The following KCNQ5 variants were observed in gnomAD, a reference collection of about 807,000 sequenced individuals.
KCNQ5 encodes the protein potassium voltage-gated channel subfamily Q member 5.
In KCNQ5, 30 loss-of-function variants were observed where a neutral mutation model predicts 98.2. The ratio of observed to expected loss-of-function variants is 0.31; its 90% CI spans 0.23 to 0.41. The LOEUF (loss-of-function observed/expected upper bound fraction) is 0.41, where lower values mean the gene tolerates loss of function less well. Ranked by LOEUF, KCNQ5 falls within the 10% of genes least tolerant of loss-of-function variation. The pLI is 1.00. For missense variants in KCNQ5, 835 were observed against 1,182.5 expected (o/e 0.71, Z 4.31); for synonymous variants, 458 against 449.4 (o/e 1.02, Z -0.24).
chr6:73,019,737 A>T (rs1770505724), intron 2 of KCNQ5, among the ~76,000 whole-genome samples: 1 of 152,186 alleles, frequency 6.6e-6, no homozygotes, highest in Admixed American at 6.5e-5. Flanking sequence ...TTGAAAAACA[A>T]TGTTATATGG....
chr6:73,182,341 G>A (rs1490146676), intron 11 of KCNQ5, among the ~76,000 whole-genome samples: 1 of 152,102 alleles, frequency 6.6e-6, no homozygotes, highest in African/African-American at 2.4e-5. Context: ...TTACTACCTG[G>A]CCCTTTATAG....
chr6:73,162,183 T>A (rs1219277147), intron 10 of KCNQ5, among the ~76,000 whole-genome samples: 2 of 151,914 alleles, frequency 1.3e-5, no homozygotes, highest in Non-Finnish European at 2.9e-5. Flanking sequence ...TGCCTCAGCC[T>A]CTGAAAGTGC....
chr6:73,072,839 C>CT (rs1344785615), intron 3 of KCNQ5, among the ~76,000 whole-genome samples: 2 of 152,080 alleles, frequency 1.3e-5, no homozygotes, highest in Non-Finnish European at 1.5e-5. Flanking sequence ...TACTTCCCAA[C>CT]TTGTTCTAAT....
chr6:72,718,859 T>A (rs1039400105), intron 1 of KCNQ5, among the ~76,000 whole-genome samples: 2 of 152,182 alleles, frequency 1.3e-5, no homozygotes, highest in Non-Finnish European at 2.9e-5. Context: ...ATAGGTTCCA[T>A]TTTAAGCCTG....
At chr6:72,726,273 C>T (rs541650028) in intron 1 of KCNQ5, among the ~76,000 whole-genome samples, 41 of 148,712 alleles carry the variant, frequency 2.8e-4, no homozygotes, top group African/African-American at 8.2e-4. Context: ...TGCAGTGGCG[C>T]GATCTCGGCT....
intron 10 of KCNQ5, 106 bp downstream of exon 10, chr6:73,133,747 A>C: frequency 1.1e-6 from 1 of 948,766 alleles, no homozygotes; most frequent in Non-Finnish European, 1.6e-6. Context: ...GAAGAAAACA[A>C]CCCCAGAGAA....
chr6:72,711,366 C>T (rs1387125562), intron 1 of KCNQ5, among the ~76,000 whole-genome samples: 1 of 152,102 alleles, frequency 6.6e-6, no homozygotes, highest in South Asian at 2.1e-4. Context: ...CAGTCTGTGC[C>T]ATTTTGTTAT....
chr6:72,813,445 G>A (rs1775342543), intron 1 of KCNQ5, among the ~76,000 whole-genome samples: 1 of 152,134 alleles, frequency 6.6e-6, no homozygotes, highest in African/African-American at 2.4e-5. Flanking sequence ...CCATCAGTTT[G>A]TTAGCATGTT....
chr6:73,188,132 A>G (rs1052439106), intron 11 of KCNQ5, among the ~76,000 whole-genome samples: 5 of 152,214 alleles, frequency 3.3e-5, no homozygotes, highest in Admixed American at 1.3e-4. Flanking sequence ...AGACTTCTCA[A>G]TTCTCCAGAA....
chr6:73,134,607 G>C (rs1185691710), intron 10 of KCNQ5, among the ~76,000 whole-genome samples: 1 of 152,230 alleles, frequency 6.6e-6, no homozygotes, highest in Non-Finnish European at 1.5e-5. Context: ...AAGGTCCTCA[G>C]GGATATCTCT....
chr6:73,170,420 CCACACACACACACACA>C (rs57867720), intron 11 of KCNQ5, among the ~76,000 whole-genome samples: 15,060 of 140,844 alleles, frequency 0.11, 1,668 homozygotes, highest in African/African-American at 0.27. Flanking sequence ...ACCTTTCCCA[CCACACACACACACACA>C]CACACACACA....
intron 1 of KCNQ5, among the ~76,000 whole-genome samples, chr6:72,629,650 T>C (rs2098919748): frequency 6.6e-6 from 1 of 152,250 alleles, no homozygotes; most frequent in South Asian, 2.1e-4. Context: ...TGCAAATGGC[T>C]ATTTTGGCAG....
chr6:72,934,784 T>C (rs146031052), intron 1 of KCNQ5, among the ~76,000 whole-genome samples: 1 of 152,324 alleles, frequency 6.6e-6, no homozygotes, highest in Non-Finnish European at 1.5e-5. Flanking sequence ...ACTCCACTGA[T>C]CAACAATGTC....
chr6:72,801,948 A>G (rs960960798), intron 1 of KCNQ5, among the ~76,000 whole-genome samples: 4 of 152,118 alleles, frequency 2.6e-5, no homozygotes, highest in Non-Finnish European at 5.9e-5. Flanking sequence ...AATGTTGAAT[A>G]TTGGTCCCCA....
intron 1 of KCNQ5, among the ~76,000 whole-genome samples, chr6:72,667,886 A>C (rs1766905997): frequency 6.6e-6 from 1 of 152,210 alleles, no homozygotes; most frequent in African/African-American, 2.4e-5. Flanking sequence ...ATAATCTTCA[A>C]AAATTTCAAG....
intron 1 of KCNQ5, among the ~76,000 whole-genome samples, chr6:72,960,382 T>C (rs1767282231): frequency 6.8e-6 from 1 of 148,082 alleles, no homozygotes; most frequent in Non-Finnish European, 1.5e-5. Context: ...ATTCTATTTC[T>C]ATTTCAGTGT....
chr6:72,905,324 T>C (rs2150198890), intron 1 of KCNQ5, among the ~76,000 whole-genome samples: 1 of 152,356 alleles, frequency 6.6e-6, no homozygotes, highest in East Asian at 1.9e-4. Context: ...CACCTGTCTC[T>C]AGTGCCTGCC....
chr6:72,640,155 C>T (rs919937920), intron 1 of KCNQ5, among the ~76,000 whole-genome samples: 3 of 152,002 alleles, frequency 2.0e-5, no homozygotes, highest in African/African-American at 4.8e-5. Context: ...GGAGCCCTAA[C>T]CCAAGGCTGG....
intron 9 of KCNQ5, among the ~76,000 whole-genome samples, chr6:73,131,388 T>G (rs1776230527): frequency 6.6e-6 from 1 of 152,174 alleles, no homozygotes; most frequent in Non-Finnish European, 1.5e-5. Context: ...CCTTTTATAG[T>G]AATTAGCATC....
Sources: allele counts gnomAD v4.1 joint callset (sites outside exome capture counted in the v4.1 genomes callset), GRCh38; gene constraint gnomAD v4.1.1; transcripts MANE v1.5; gene names NCBI Gene and HGNC (gene_info 2026-07-23, HGNC 2026-07-21).